Variants in ITFG1 observed in about 807,000 individuals in gnomAD.
ITFG1 encodes T-cell immunomodulatory protein.
Under a neutral mutation model 81.8 loss-of-function variants are expected in ITFG1, and 34 were observed. The observed-to-expected ratio is 0.42, with a 90% CI of 0.32 to 0.55. The LOEUF (loss-of-function observed/expected upper bound fraction) is 0.55, where lower values mean the gene tolerates loss of function less well. ITFG1 is among the 20% of genes least tolerant of loss of function. The pLI, the probability that ITFG1 is intolerant of heterozygous loss-of-function variation, is 0.17. For synonymous variants in ITFG1, 285 were observed against 270.6 expected (o/e 1.05, Z -0.52); for missense variants, 672 against 755.4 (o/e 0.89, Z 1.29).
chr16:47,248,812 T>G (rs928766942), intron 12 of ITFG1, among the ~76,000 whole-genome samples: 4 of 152,186 alleles, frequency 2.6e-5, no homozygotes, highest in African/African-American at 9.7e-5. Flanking sequence ...GTAAGTATAA[T>G]AAATGGGAAG....
At position 47,419,232 on chromosome 16, in the gene ITFG1, G is replaced by C. The variant is rs565118420; in HGVS notation, c.655+9572C>G. On this transcript the variant is annotated intron_variant, in intron 6 of 17. Transcript: ENST00000320640. Reference sequence around the variant, plus strand: ...TGCTATTCACAGCTGCAATCATAGTGTATTGTGGCTTTGGCCACCTGGCCC... The same window carrying C: ...TGCTATTCACAGCTGCAATCATAGTCTATTGTGGCTTTGGCCACCTGGCCC... Among the ~76,000 whole-genome samples, 7 of 152,142 alleles carry C rather than the reference G, an allele frequency of 4.6e-5. No individual in the cohort carries two copies. The South Asian group carries it at 1.0e-3, about 23-fold the overall frequency.
chr16:47,351,967 C>T (rs958810206), intron 8 of ITFG1, among the ~76,000 whole-genome samples: 36 of 152,102 alleles, frequency 2.4e-4, no homozygotes, highest in Admixed American at 5.9e-4. Context: ...GAAAGGATTC[C>T]GTATTTAACA....
intron 8 of ITFG1, among the ~76,000 whole-genome samples, chr16:47,321,998 C>T (rs765798127): frequency 6.6e-6 from 1 of 151,992 alleles, no homozygotes; most frequent in African/African-American, 2.4e-5. Context: ...TTTTAAATGG[C>T]ATAAATGAAA....
chr16:47,440,305 G>A (rs1969229216), intron 5 of ITFG1, among the ~76,000 whole-genome samples: 1 of 152,146 alleles, frequency 6.6e-6, no homozygotes, highest in Non-Finnish European at 1.5e-5. Context: ...AGGATATCCA[G>A]GAACTGAACT....
At chr16:47,385,162 C>T (rs1270021530) in intron 6 of ITFG1, among the ~76,000 whole-genome samples, 1 of 152,132 alleles carries the variant, frequency 6.6e-6, no homozygotes, top group Non-Finnish European at 1.5e-5. Context: ...CAACACGTGA[C>T]ATTGTGTTTA....
In ITFG1 at chr16:47,168,978, T is replaced by C. The variant is rs1042740317; in HGVS notation, c.1454-6314A>G. Among the ~76,000 whole-genome samples, 20 of 152,326 alleles carry C rather than the reference T, an allele frequency of 1.3e-4. 1 individual carries two copies. The highest frequency in any genetic ancestry group is 1.0e-3 in the Admixed American group (16 of 15,304). On this transcript the variant is annotated intron_variant, in intron 14 of 17. Transcript: ENST00000320640. ...ATGTTCTAGTATGATTTGTTGAAGG[T>C]ACTCTTCTTTCTCCATTGAATGGTT...
At chr16:47,426,339 T>TA (rs1040269929) in intron 6 of ITFG1, 44 of 151,968 alleles carry the variant, frequency 2.9e-4, no homozygotes, top group Admixed American at 2.8e-3. Context: ...TTCATTAAGA[T>TA]AGATTTTTCC....
chr16:47,292,554 GT>G (rs891689161), intron 10 of ITFG1, among the ~76,000 whole-genome samples: 1 of 151,942 alleles, frequency 6.6e-6, no homozygotes, highest in African/African-American at 2.4e-5. Flanking sequence ...TACAAGTGCA[GT>G]TTTTTTTATG....
intron 14 of ITFG1, among the ~76,000 whole-genome samples, chr16:47,185,273 C>T (rs1440517132): frequency 1.2e-4 from 19 of 152,282 alleles, no homozygotes; most frequent in South Asian, 4.2e-4. Context: ...CTGCACCAAG[C>T]GGACCTAATA....
At chr16:47,442,218 G>A (rs1969261620) in intron 5 of ITFG1, among the ~76,000 whole-genome samples, 1 of 152,136 alleles carries the variant, frequency 6.6e-6, no homozygotes, top group South Asian at 2.1e-4. Flanking sequence ...ATGCGCATGG[G>A]TAGGAACAAT....
At chr16:47,364,183 A>G (rs1199441942) in intron 8 of ITFG1, among the ~76,000 whole-genome samples, 3 of 152,242 alleles carry the variant, frequency 2.0e-5, no homozygotes, top group African/African-American at 2.4e-5. Flanking sequence ...CCAATGTGTG[A>G]TATTTATTAA....
At chr16:47,265,664 A>G (rs1465925996) in intron 10 of ITFG1, among the ~76,000 whole-genome samples, 2 of 152,178 alleles carry the variant, frequency 1.3e-5, no homozygotes, top group Non-Finnish European at 2.9e-5. Context: ...AAATCAACAA[A>G]AAGACAAAAT....
chr16:47,323,744 G>A (rs905498385), intron 8 of ITFG1, among the ~76,000 whole-genome samples: 2 of 152,002 alleles, frequency 1.3e-5, no homozygotes, highest in Admixed American at 6.6e-5. Flanking sequence ...GTGAGTTGGG[G>A]TAGTAATGGG....
chr16:47,332,792 G>T (rs1236197059), intron 8 of ITFG1, among the ~76,000 whole-genome samples: 1 of 152,160 alleles, frequency 6.6e-6, no homozygotes, highest in African/African-American at 2.4e-5. Context: ...CCAGAACCAG[G>T]TAATTATTCA....
chr16:47,157,796 A>C (rs947795508), intron 17 of ITFG1, among the ~76,000 whole-genome samples: 22 of 152,214 alleles, frequency 1.4e-4, no homozygotes, highest in African/African-American at 4.6e-4. Context: ...TTCTAGCAAA[A>C]AATGATTATG....
At chr16:47,394,729 T>G (rs1210303374) in intron 6 of ITFG1, among the ~76,000 whole-genome samples, 1 of 152,126 alleles carries the variant, frequency 6.6e-6, no homozygotes, top group African/African-American at 2.4e-5. Context: ...TTTTATTAAC[T>G]TGTATTTCTA....
At chr16:47,327,624 T>G (rs987277660) in intron 8 of ITFG1, among the ~76,000 whole-genome samples, 34 of 151,870 alleles carry the variant, frequency 2.2e-4, no homozygotes, top group Non-Finnish European at 3.7e-4. Context: ...CAAACAAATT[T>G]ACAAGAAAAA....
At chr16:47,404,237 AGCCTTTCCAATCT>A (rs1968699970) in intron 6 of ITFG1, among the ~76,000 whole-genome samples, 1 of 152,126 alleles carries the variant, frequency 6.6e-6, no homozygotes, top group African/African-American at 2.4e-5. Context: ...TATTACTGGG[AGCCTTTCCAATCT>A]GCCTTTAATG....
intron 6 of ITFG1, among the ~76,000 whole-genome samples, chr16:47,421,857 T>A (rs1968954657): frequency 6.6e-6 from 1 of 152,092 alleles, no homozygotes; most frequent in Non-Finnish European, 1.5e-5. Flanking sequence ...GGGTCTGGTG[T>A]GTGATGTTCC....
Sources: allele counts gnomAD v4.1 joint callset (sites outside exome capture counted in the v4.1 genomes callset), GRCh38; gene constraint gnomAD v4.1.1; transcripts MANE v1.5; gene names NCBI Gene and HGNC (gene_info 2026-07-23, HGNC 2026-07-21).